VPS13A: variants seen among roughly 807,000 people sequenced by gnomAD.
VPS13A encodes the protein intermembrane lipid transfer protein VPS13A.
VPS13A carries 264 observed loss-of-function variants against 390.9 expected under a neutral mutation model. That is an observed-to-expected ratio of 0.68 (90% CI 0.61 to 0.75). VPS13A has a LOEUF of 0.75. Among genes scored for constraint, VPS13A ranks in the 30% least tolerant of loss-of-function variants. The pLI is 0.00. For synonymous variants in VPS13A, 1,231 were observed against 1,227.1 expected, an observed-to-expected ratio of 1.00 and a Z score of -0.07; for missense variants, 3,409 against 3,733.9, an observed-to-expected ratio of 0.91 and a Z score of 2.27.
rs754596543 is a variant in VPS13A at position 77,405,852 on chromosome 9, T to C, written c.9276-12T>C. 1 of 1,612,996 alleles carries C rather than the reference T, an allele frequency of 6.2e-7. No individual in the cohort carries two copies. Among genetic ancestry groups the C allele is most frequent in the East Asian group, 2.2e-5 (1 of 44,824 alleles). ...TTTAAAGCGAATTCTTTTTTTGTTT[T>C]TCTTTTTGCAGTGGTGTATTGTTTG... On this transcript the variant is annotated splice_polypyrimidine_tract_variant and intron_variant, in intron 69 of 71. Coordinates refer to ENST00000360280, the MANE Select transcript of VPS13A (RefSeq NM_033305.3).
chr9:77,364,600 T>C (rs964665155), intron 59 of VPS13A, among the ~76,000 whole-genome samples: 11 of 152,184 alleles, frequency 7.2e-5, no homozygotes, highest in Middle Eastern at 3.2e-3. Flanking sequence ...GAAGGAGCTC[T>C]GTGTTCTTGG....
chr9:77,230,967 A>G (rs528693837), intron 17 of VPS13A, among the ~76,000 whole-genome samples: 2 of 152,120 alleles, frequency 1.3e-5, no homozygotes, highest in Non-Finnish European at 2.9e-5. Flanking sequence ...CTTAGGTTAA[A>G]TTTATTTGCA....
intron 68 of VPS13A, chr9:77,384,910 T>C (rs1282392773): frequency 1.5e-6 from 2 of 1,354,020 alleles, no homozygotes; most frequent in African/African-American, 1.5e-5. Context: ...GATTTGCTTT[T>C]ATATATTTTA....
rs143933664 is a variant in VPS13A at position 77,264,823 on chromosome 9, C to G, written c.2427+4599C>G. 8.7e-4 allele frequency among the ~76,000 whole-genome samples: 132 copies of G among 152,272 alleles called. 1 individual carries two copies. The East Asian group carries it at 0.018, about 21-fold the overall frequency. ...TGCCTGATTTCCCTGGCCAGAACTT[C>G]CAATACTATGTTGAATAGGAGTGGT... On this transcript the variant is annotated intron_variant, in intron 23 of 71. Transcript: ENST00000360280.
chr9:77,219,041 T>C (rs1290358339), intron 10 of VPS13A, among the ~76,000 whole-genome samples: 1 of 151,926 alleles, frequency 6.6e-6, no homozygotes, highest in Non-Finnish European at 1.5e-5. Context: ...GGAACTTCAG[T>C]AAGGTGGGGA....
chr9:77,255,924 G>A lies in VPS13A; in HGVS notation c.2288+3572G>A, dbSNP rs147802516. On this transcript the variant is annotated intron_variant, in intron 22 of 71. Coordinates refer to ENST00000360280, the MANE Select transcript of VPS13A (RefSeq NM_033305.3). ...AGTCTAACTAAAGGTTTTCAATCTCGATCATTTTGAAGAACCAACTCACAT... is the reference window on the plus strand; with the variant it reads ...AGTCTAACTAAAGGTTTTCAATCTCAATCATTTTGAAGAACCAACTCACAT... Among the ~76,000 whole-genome samples the A allele has an allele frequency of 5.7e-3, 862 of 151,652 alleles. 9 individuals carry two copies. The highest frequency in any genetic ancestry group is 0.02 in the African/African-American group (815 of 41,376).
intron 45 of VPS13A, among the ~76,000 whole-genome samples, chr9:77,325,534 T>A (rs1829971351): frequency 1.3e-5 from 2 of 151,946 alleles, no homozygotes; most frequent in Non-Finnish European, 2.9e-5. Context: ...ATTTGTCTCA[T>A]TTGTTCTTTG....
intron 63 of VPS13A, 32 bp from the exon 64 acceptor site, chr9:77,370,225 C>T: frequency 6.2e-7 from 1 of 1,606,404 alleles, no homozygotes. Context: ...ATATAACTCA[C>T]TCACTCATTT....
chr9:77,379,816 A>G (rs1433672173), intron 67 of VPS13A, among the ~76,000 whole-genome samples: 1 of 152,172 alleles, frequency 6.6e-6, no homozygotes, highest in African/African-American at 2.4e-5. Context: ...AGAAGAATAT[A>G]TATTCTGTTG....
intron 68 of VPS13A, among the ~76,000 whole-genome samples, chr9:77,394,096 ACT>A (rs1834019588): frequency 6.6e-6 from 1 of 150,858 alleles, no homozygotes; most frequent in East Asian, 2.0e-4. Context: ...TAAGAGTCTC[ACT>A]CTGTCACCCA....
At chr9:77,275,376 A>G (rs978566732) in intron 24 of VPS13A, 122 bp from the exon 25 acceptor site, 11 of 944,110 alleles carry the variant, frequency 1.2e-5, no homozygotes, top group Non-Finnish European at 1.8e-5. Flanking sequence ...TTCGGTTCTC[A>G]TGTTAATATT....
In VPS13A at chr9:77,219,999, G is replaced by A. The variant is rs933573536; in HGVS notation, c.800G>A (p.Arg267Gln). The part of the protein sequence containing the change: ...SANAKLVMNR[R>Q]SDFDFSAPKI... ...AATGCCAAACTTGTGATGAATCGCCGATCTGATTTTGACTTTTCTGCCCCC... is the reference window on the plus strand; with the variant it reads ...AATGCCAAACTTGTGATGAATCGCCAATCTGATTTTGACTTTTCTGCCCCC... Residue 267 changes from arginine to glutamine, a missense_variant, in exon 11 of 72, where the codon CGA becomes CAA. Around this residue, in one of 5 missense-constraint regions of VPS13A, gnomAD observed 2,717 missense variants for 2,917.4 expected, o/e 0.93. Coordinates refer to ENST00000360280, the MANE Select transcript of VPS13A (RefSeq NM_033305.3). The A allele has an allele frequency of 1.4e-5, 22 of 1,613,114 alleles. No homozygotes were observed. The highest frequency in any genetic ancestry group is 2.7e-5 in the African/African-American group (2 of 74,762).
chr9:77,210,721 T>C, intron 7 of VPS13A, 46 bp downstream of exon 7: 1 of 1,580,498 alleles, frequency 6.3e-7, no homozygotes, highest in Non-Finnish European at 8.7e-7. Flanking sequence ...ATGTGCAATA[T>C]AGTCTATTAA....
At chr9:77,331,712 A>C (rs560738523) in intron 45 of VPS13A, among the ~76,000 whole-genome samples, 1 of 152,092 alleles carries the variant, frequency 6.6e-6, no homozygotes, top group South Asian at 2.1e-4. Context: ...ATTTTTATCT[A>C]AACAAAAACT....
At chr9:77,184,960 A>G (rs1463689366) in intron 1 of VPS13A, among the ~76,000 whole-genome samples, 1 of 152,000 alleles carries the variant, frequency 6.6e-6, no homozygotes, top group Non-Finnish European at 1.5e-5. Context: ...TGTTAAATAT[A>G]AGTATTTCCC....
intron 69 of VPS13A, among the ~76,000 whole-genome samples, chr9:77,405,211 T>A (rs992603434): frequency 6.6e-6 from 1 of 152,176 alleles, no homozygotes; most frequent in Non-Finnish European, 1.5e-5. Flanking sequence ...CCTCTAAAAT[T>A]GGCAGTAATG....
intron 43 of VPS13A, 39 bp downstream of exon 43, chr9:77,321,366 T>C: frequency 6.3e-7 from 1 of 1,583,334 alleles, no homozygotes; most frequent in Non-Finnish European, 8.7e-7. Context: ...ATTGAGATAC[T>C]TGTCTGATTG....
chr9:77,203,444 T>C (rs1018084724), intron 3 of VPS13A, among the ~76,000 whole-genome samples: 3 of 152,072 alleles, frequency 2.0e-5, no homozygotes, highest in Non-Finnish European at 2.9e-5. Flanking sequence ...TACGCCGCCA[T>C]GCCTGGCTAA....
At chr9:77,306,403 T>A (rs201261332) in intron 34 of VPS13A, among the ~76,000 whole-genome samples, 38 of 119,034 alleles carry the variant, frequency 3.2e-4, no homozygotes, top group African/African-American at 8.6e-4. Flanking sequence ...AGAGAGAGAG[T>A]GTGTGTGTGT....
Sources: allele counts gnomAD v4.1 joint callset (sites outside exome capture counted in the v4.1 genomes callset), GRCh38; gene constraint gnomAD v4.1.1; regional missense constraint gnomAD v4.1.1; transcripts MANE v1.5; gene names NCBI Gene and HGNC (gene_info 2026-07-23, HGNC 2026-07-21).